The following EDIL3 variants were observed in gnomAD, a reference collection of about 807,000 sequenced individuals.
The protein encoded by EDIL3 is EGF like and discoidin domains 3.
Under a neutral mutation model 67.4 loss-of-function variants are expected in EDIL3, and 37 were observed. The ratio of observed to expected loss-of-function variants is 0.55; its 90% confidence interval spans 0.42 to 0.72. The LOEUF is 0.72. EDIL3 is among the 30% of genes least tolerant of loss of function. EDIL3 has a pLI of 0.00. For missense variants in EDIL3, 527 were observed against 586.3 expected (o/e 0.90, Z 1.04); for synonymous variants, 195 against 196.3 (o/e 0.99, Z 0.05).
intron 6 of EDIL3, among the ~76,000 whole-genome samples, chr5:84,095,118 T>C (rs141706115): frequency 8.5e-4 from 129 of 152,286 alleles, no homozygotes; most frequent in African/African-American, 2.9e-3. Context: ...ATATTTTTAC[T>C]GTAACTCAGG....
chr5:84,359,271 T>G (rs1561268006), intron 1 of EDIL3, among the ~76,000 whole-genome samples: 1 of 152,290 alleles, frequency 6.6e-6, no homozygotes, highest in South Asian at 2.1e-4. Flanking sequence ...ACAGCAAGAA[T>G]TTTGGATAAA....
At chr5:84,261,230 C>T (rs955094843) in intron 1 of EDIL3, among the ~76,000 whole-genome samples, 1 of 152,144 alleles carries the variant, frequency 6.6e-6, no homozygotes, top group Non-Finnish European at 1.5e-5. Flanking sequence ...AATTTGCATA[C>T]TCAAATTGGT....
intron 1 of EDIL3, among the ~76,000 whole-genome samples, chr5:84,267,028 T>C (rs1745365544): frequency 6.6e-6 from 1 of 152,204 alleles, no homozygotes; most frequent in African/African-American, 2.4e-5. Context: ...AAATAAATTT[T>C]ATGAATTGGT....
At chr5:83,960,518 G>A (rs4389669) in intron 10 of EDIL3, among the ~76,000 whole-genome samples, 74,366 of 150,646 alleles carry the variant, frequency 0.49, 18,403 homozygotes, top group Non-Finnish European at 0.51. Flanking sequence ...GCACAAGTAT[G>A]ATACATCAAT....
intron 3 of EDIL3, among the ~76,000 whole-genome samples, chr5:84,185,565 A>G (rs1351417467): frequency 6.6e-6 from 1 of 152,168 alleles, no homozygotes; most frequent in Admixed American, 6.6e-5. Flanking sequence ...ATATGGCAAT[A>G]ATGAGTTCTA....
rs555175926 is a variant in EDIL3, at chr5:83,943,439, C to A, written c.1423G>T (p.Gly475Cys). ...TCCCCTCATTCCTCCTCTGTGCAGC[C>A]CAGCAGCTCTGACCGCAATGTGATC... ...GRITLRSELL[G>C]CTEEE The change falls in exon 11 of 11, where the codon GGC (glycine) becomes TGC (cysteine). Residue 475 changes from glycine to cysteine, a missense_variant. Coordinates refer to ENST00000296591, the MANE Select transcript of EDIL3 (RefSeq NM_005711.5). 1 of 1,612,652 alleles carries A rather than the reference C, an allele frequency of 6.2e-7. No individual in the cohort carries two copies. The highest frequency in any genetic ancestry group is 1.1e-5 in the South Asian group (1 of 91,048).
chr5:84,075,889 C>T lies in EDIL3; in HGVS notation c.652-9283G>A, dbSNP rs927046910. Reference sequence around the variant, plus strand: ...GTACAAACACGTGCAAAAGTGTGCACGCACACACACACACACACACACACA... The same window carrying T: ...GTACAAACACGTGCAAAAGTGTGCATGCACACACACACACACACACACACA... On this transcript the variant is annotated intron_variant, in intron 6 of 10. Transcript: ENST00000296591. Among the ~76,000 whole-genome samples, 260 of 54,552 alleles carry T rather than the reference C, an allele frequency of 4.8e-3. 1 individual carries two copies. Among genetic ancestry groups the T allele is most frequent in the Non-Finnish European group, 7.7e-4 (21 of 27,160 alleles). 35.8% of individuals were successfully genotyped at this position (54,552 alleles called of 152,430 possible).
At chr5:84,224,462 G>A (rs900084769) in intron 3 of EDIL3, among the ~76,000 whole-genome samples, 1 of 150,790 alleles carries the variant, frequency 6.6e-6, no homozygotes, top group Non-Finnish European at 1.5e-5. Flanking sequence ...TTTTTTCCAA[G>A]GGACATAGAA....
Position 83,957,349 on chromosome 5 carries a change from T to A in EDIL3, c.1293+5856A>T, listed in dbSNP as rs931452204. 2.6e-5 allele frequency among the ~76,000 whole-genome samples: 4 copies of A among 151,800 alleles called. No homozygotes were observed. The East Asian group carries it at 7.8e-4, about 30-fold the overall frequency. ...TTTACTCCCTAAGGGATTCTTCAGG[T>A]TCTAAGTTTCTCACCCAGATCAAAT... On this transcript the variant is annotated intron_variant, in intron 10 of 10. Transcript: ENST00000296591.
At chr5:84,131,840 A>T (rs1262094648) in intron 5 of EDIL3, among the ~76,000 whole-genome samples, 1 of 152,110 alleles carries the variant, frequency 6.6e-6, no homozygotes, top group Admixed American at 6.6e-5. Context: ...AACAATACAA[A>T]TCTCATCATG....
chr5:84,201,199 T>C (rs958085376), intron 3 of EDIL3, among the ~76,000 whole-genome samples: 6 of 152,014 alleles, frequency 3.9e-5, no homozygotes, highest in African/African-American at 1.2e-4. Context: ...ATCAGGGGTA[T>C]GATCCAGGGA....
chr5:84,098,100 G>GAA (rs34968983), intron 6 of EDIL3, among the ~76,000 whole-genome samples: 87 of 139,284 alleles, frequency 6.2e-4, no homozygotes, highest in African/African-American at 2.2e-3. Context: ...CTAGAAATCT[G>GAA]AAAAAAAAAA....
At chr5:84,192,585 T>C (rs1743615752) in intron 3 of EDIL3, among the ~76,000 whole-genome samples, 1 of 152,034 alleles carries the variant, frequency 6.6e-6, no homozygotes, top group Admixed American at 6.6e-5. Flanking sequence ...TCACAAGTTT[T>C]TCTATTACCA....
intron 9 of EDIL3, among the ~76,000 whole-genome samples, chr5:83,968,770 T>G (rs1218553616): frequency 6.6e-6 from 1 of 152,056 alleles, no homozygotes; most frequent in African/African-American, 2.4e-5. Context: ...TTATAACTAT[T>G]AATTTTTAAA....
intron 9 of EDIL3, among the ~76,000 whole-genome samples, chr5:83,979,368 A>G (rs1344307363): frequency 6.6e-6 from 1 of 152,152 alleles, no homozygotes; most frequent in African/African-American, 2.4e-5. Context: ...ATTTAGTGAC[A>G]TTGAAAATGT....
chr5:84,072,229 C>G (rs781467218), intron 6 of EDIL3, among the ~76,000 whole-genome samples: 8 of 151,900 alleles, frequency 5.3e-5, no homozygotes, highest in Non-Finnish European at 8.8e-5. Flanking sequence ...TATATCATAG[C>G]AAATGGTTGA....
chr5:84,053,985 G>T (rs1305163205), intron 9 of EDIL3, among the ~76,000 whole-genome samples: 1 of 152,056 alleles, frequency 6.6e-6, no homozygotes, highest in Non-Finnish European at 1.5e-5. Flanking sequence ...TGATACCAAA[G>T]CCTGGCAGAG....
chr5:84,355,474 T>C (rs1364343537), intron 1 of EDIL3, among the ~76,000 whole-genome samples: 3 of 152,102 alleles, frequency 2.0e-5, no homozygotes. Context: ...TTCTGAAGCC[T>C]ACTTCTGACA....
intron 3 of EDIL3, 71 bp downstream of exon 3, chr5:84,229,783 CA>C: frequency 6.8e-7 from 1 of 1,461,704 alleles, no homozygotes; most frequent in Non-Finnish European, 9.3e-7. Flanking sequence ...AAATATTACT[CA>C]AAAGGTTGAC....
Sources: gnomAD v4.1 joint callset for allele counts (sites outside exome capture counted in the v4.1 genomes callset) on GRCh38, gnomAD v4.1.1 for gene constraint, MANE v1.5 for transcripts, NCBI Gene and HGNC (gene_info 2026-07-23, HGNC 2026-07-21) for gene names.